The following FOXN3 variants were observed in gnomAD, a reference collection of about 807,000 sequenced individuals.
FOXN3 encodes the protein forkhead box protein N3.
A neutral mutation model predicts 38.4 loss-of-function variants in FOXN3; 7 were observed. The ratio of observed to expected loss-of-function variants is 0.18; its 90% CI spans 0.10 to 0.34. The LOEUF (loss-of-function observed/expected upper bound fraction) is 0.34, where lower values mean the gene tolerates loss of function less well. FOXN3 is among the 10% of genes least tolerant of loss of function. The pLI is 1.00. For synonymous variants in FOXN3, 230 were observed against 242.2 expected (o/e 0.95, Z 0.47); for missense variants, 456 against 613.4 (o/e 0.74, Z 2.71).
chr14:89,611,620 C>A (rs1896392605), intron 1 of FOXN3, among the ~76,000 whole-genome samples: 1 of 152,176 alleles, frequency 6.6e-6, no homozygotes, highest in South Asian at 2.1e-4. Context: ...TCCTGGTTAA[C>A]ACGGTGAAAC....
chr14:89,403,763 T>C (rs961586873), intron 2 of FOXN3, among the ~76,000 whole-genome samples: 1 of 152,140 alleles, frequency 6.6e-6, no homozygotes, highest in African/African-American at 2.4e-5. Flanking sequence ...GACAGATACA[T>C]TGATAGGGCC....
intron 2 of FOXN3, among the ~76,000 whole-genome samples, chr14:89,383,932 G>A (rs1333806827): frequency 6.6e-6 from 1 of 151,632 alleles, no homozygotes; most frequent in East Asian, 1.9e-4. Flanking sequence ...TGGAATTACA[G>A]GTGCCCACCA....
intron 3 of FOXN3, among the ~76,000 whole-genome samples, chr14:89,284,749 A>C (rs1444688146): frequency 6.6e-6 from 1 of 152,202 alleles, no homozygotes; most frequent in Non-Finnish European, 1.5e-5. Context: ...AAGAAAGCAG[A>C]CCAACAGGTT....
At chr14:89,354,166 T>A (rs1695406494) in intron 2 of FOXN3, among the ~76,000 whole-genome samples, 1 of 152,110 alleles carries the variant, frequency 6.6e-6, no homozygotes, top group Non-Finnish European at 1.5e-5. Flanking sequence ...GGAGCTTTCT[T>A]AGAAAAATAT....
At chr14:89,284,428 C>G (rs1886553883) in intron 3 of FOXN3, 1 of 455,774 alleles carries the variant, frequency 2.2e-6, no homozygotes, top group Admixed American at 2.4e-5. Flanking sequence ...CCCACTGTAC[C>G]ATAGAGACAC....
At chr14:89,505,474 G>A (rs1490223069) in intron 1 of FOXN3, among the ~76,000 whole-genome samples, 16 of 152,106 alleles carry the variant, frequency 1.1e-4, no homozygotes, top group South Asian at 8.3e-4. Context: ...ACGGGGTTTC[G>A]CTGTGTTGGC....
chr14:89,409,297 G>A (rs1250819376), intron 2 of FOXN3: 1 of 146,582 alleles, frequency 6.8e-6, no homozygotes, highest in Non-Finnish European at 1.5e-5. Context: ...AATGTATCCG[G>A]ATTGACAATC....
intron 1 of FOXN3, among the ~76,000 whole-genome samples, chr14:89,615,461 A>G (rs1386604595): frequency 6.6e-6 from 1 of 152,246 alleles, no homozygotes; most frequent in Non-Finnish European, 1.5e-5. Context: ...AAAATCAGAA[A>G]GAAATAAACC....
chr14:89,375,203 T>C (rs1376964630), intron 2 of FOXN3, among the ~76,000 whole-genome samples: 1 of 152,154 alleles, frequency 6.6e-6, no homozygotes, highest in East Asian at 1.9e-4. Context: ...GGTATGTACA[T>C]ATTAGTCAAA....
At chr14:89,427,301 CTTTTTTTTTTTT>C (rs34755821) in intron 1 of FOXN3, among the ~76,000 whole-genome samples, 1 of 67,744 alleles carries the variant, frequency 1.5e-5, no homozygotes. Flanking sequence ...GAAAAGGGGA[CTTTTTTTTTTTT>C]TTTTTTTTTT....
At chr14:89,426,940 A>G (rs1892044338) in intron 1 of FOXN3, among the ~76,000 whole-genome samples, 1 of 151,466 alleles carries the variant, frequency 6.6e-6, no homozygotes. Context: ...ACCGAGAAAT[A>G]GAAGAGGAGG....
chr14:89,325,320 C>G (rs543365915), intron 3 of FOXN3, among the ~76,000 whole-genome samples: 79 of 73,388 alleles, frequency 1.1e-3, no homozygotes, highest in South Asian at 1.7e-3. Flanking sequence ...CCACGACCAC[C>G]ACCACCACCA....
intron 1 of FOXN3, among the ~76,000 whole-genome samples, chr14:89,445,301 C>G (rs1892470697): frequency 6.6e-6 from 1 of 152,104 alleles, no homozygotes; most frequent in Non-Finnish European, 1.5e-5. Flanking sequence ...TGACCCTTAA[C>G]TAGGAAAATG....
In FOXN3 at chr14:89,412,377, C is replaced by G; in HGVS notation, c.100G>C (p.Ala34Pro). Residue 34 changes from alanine to proline, a missense_variant, in exon 2 of 6, where the codon GCC becomes CCC. Coordinates refer to ENST00000557258, the MANE Select transcript of FOXN3 (RefSeq NM_005197.4). This position sits in a 1 kb window ranked among gnomAD's most constrained non-coding sequence, Gnocchi z 4.7. ...TCGAGGTCATCGTCTTCCTGAAGGG[C>G]CTTGGAGAAACCGCTGCCCCCGTAA... is the stretch of plus-strand genomic sequence containing the variant. ...QCYGGSGFSK[A>P]LQEDDDLDFS... The G allele has an allele frequency of 6.2e-7, 1 of 1,614,142 alleles. No homozygotes were observed. The highest frequency in any genetic ancestry group is 2.2e-5 in the East Asian group (1 of 44,884).
intron 1 of FOXN3, among the ~76,000 whole-genome samples, chr14:89,519,944 G>C (rs1187330313): frequency 6.6e-6 from 1 of 151,924 alleles, no homozygotes; most frequent in Non-Finnish European, 1.5e-5. Flanking sequence ...AGCTATAAAA[G>C]AATCTACCTT....
chr14:89,241,758 T>C (rs1186117608), intron 4 of FOXN3, among the ~76,000 whole-genome samples: 3 of 152,182 alleles, frequency 2.0e-5, no homozygotes, highest in African/African-American at 4.8e-5. Flanking sequence ...CGTGGAACCC[T>C]GGAGAAGCAT....
chr14:89,398,432 G>A (rs138443258), intron 2 of FOXN3, among the ~76,000 whole-genome samples: 10 of 152,182 alleles, frequency 6.6e-5, no homozygotes, highest in East Asian at 3.9e-4. Context: ...CTGTGATTAC[G>A]GGCACTTTGA....
At chr14:89,597,868 T>A (rs2139935203) in intron 1 of FOXN3, among the ~76,000 whole-genome samples, 1 of 152,250 alleles carries the variant, frequency 6.6e-6, no homozygotes, top group African/African-American at 2.4e-5. Flanking sequence ...AATCTGATAA[T>A]CTTTTGACTT....
intron 3 of FOXN3, chr14:89,349,908 C>T (rs555546725): frequency 6.6e-6 from 1 of 152,270 alleles, no homozygotes; most frequent in South Asian, 2.1e-4. Context: ...ACGATAGAAA[C>T]ATTTCTATAC....
Sources: allele counts gnomAD v4.1 joint callset (sites outside exome capture counted in the v4.1 genomes callset), GRCh38; gene constraint gnomAD v4.1.1; non-coding constraint Gnocchi (gnomAD v3.1); transcripts MANE v1.5; gene names NCBI Gene and HGNC (gene_info 2026-07-23, HGNC 2026-07-21).